Variants in NDC80 observed in about 807,000 individuals in gnomAD.
NDC80 encodes NDC80 kinetochore complex component, also known as kinetochore protein NDC80 homolog.
A neutral mutation model predicts 89.3 loss-of-function variants in NDC80; 69 were observed. That is an observed-to-expected ratio of 0.77 (90% CI 0.64 to 0.94). The LOEUF is 0.94. Ranked by LOEUF, NDC80 falls within the 40% of genes least tolerant of loss-of-function variation. The pLI is 0.00. For synonymous variants in NDC80, 243 were observed against 255.6 expected (o/e 0.95, Z 0.47); for missense variants, 593 against 739.6 (o/e 0.80, Z 2.30).
chr18:2,599,181 C>A lies in NDC80; in HGVS notation c.1374+10C>A. 6.3e-7 allele frequency: 1 copy of A among 1,592,722 alleles called. No homozygotes were observed. The highest frequency in any genetic ancestry group is 1.2e-5 in the South Asian group (1 of 86,858). On this transcript the variant is annotated intron_variant, in intron 12 of 16. Coordinates refer to ENST00000261597, the MANE Select transcript of NDC80 (RefSeq NM_006101.3). ...CAGGGCTCAAGTTTATGTAAGTAATCATGACTACTTTTAAGATTTTTTTAA... is the reference window on the plus strand; with the variant it reads ...CAGGGCTCAAGTTTATGTAAGTAATAATGACTACTTTTAAGATTTTTTTAA...
chr18:2,610,816 G>A lies in NDC80; in HGVS notation c.1746G>A (p.Leu582=). The change falls in exon 16 of 17, where the codon TTG becomes TTA. Residue 582 remains leucine (L), a synonymous_variant. Coordinates refer to ENST00000261597, the MANE Select transcript of NDC80 (RefSeq NM_006101.3). ...AAAGACGAAAAGTGGGAAATAACTT[G>A]CAACGTCTGTTAGAGATGGTTGCTA... is the stretch of plus-strand genomic sequence containing the variant. ...TEERRKVGNN[L]QRLLEMVATH... 1 of 1,591,592 alleles carries A rather than the reference G, an allele frequency of 6.3e-7. No homozygotes were observed. Among genetic ancestry groups the A allele is most frequent in the Non-Finnish European group, 8.6e-7 (1 of 1,164,268 alleles).
intron 11 of NDC80, among the ~76,000 whole-genome samples, chr18:2,596,928 A>T (rs1354660694): frequency 1.3e-5 from 2 of 152,138 alleles, no homozygotes; most frequent in Admixed American, 1.3e-4. Context: ...TTGCAAGGAC[A>T]AAAAACCAAA....
chr18:2,572,393 A>G (rs531228265), intron 1 of NDC80, among the ~76,000 whole-genome samples: 1 of 152,330 alleles, frequency 6.6e-6, no homozygotes, highest in East Asian at 1.9e-4. Flanking sequence ...GAGGCAGCCT[A>G]TAGACCATTT....
At chr18:2,607,044 T>C (rs1325150716) in intron 14 of NDC80, among the ~76,000 whole-genome samples, 1 of 152,196 alleles carries the variant, frequency 6.6e-6, no homozygotes, top group Non-Finnish European at 1.5e-5. Flanking sequence ...TCATTACCAC[T>C]TACACAATTC....
intron 13 of NDC80, among the ~76,000 whole-genome samples, 186 bp from the exon 14 acceptor site, chr18:2,606,229 T>G (rs2072710876): frequency 6.6e-6 from 1 of 151,932 alleles, no homozygotes; most frequent in Non-Finnish European, 1.5e-5. Context: ...ACTTTGAGGT[T>G]TCTTTGAAAT....
intron 12 of NDC80, among the ~76,000 whole-genome samples, chr18:2,600,634 G>A (rs570159829): frequency 3.0e-4 from 45 of 151,698 alleles, no homozygotes; most frequent in Non-Finnish European, 6.0e-4. Context: ...GAGAGAGATT[G>A]AAGAGGCCAT....
At chr18:2,603,057 G>A (rs1400012954) in intron 13 of NDC80, among the ~76,000 whole-genome samples, 6 of 152,112 alleles carry the variant, frequency 3.9e-5, no homozygotes, top group Non-Finnish European at 5.9e-5. Flanking sequence ...AAAACTTAAA[G>A]TAGGGTGTGG....
intron 11 of NDC80, among the ~76,000 whole-genome samples, chr18:2,596,134 G>A (rs1467679013): frequency 6.6e-6 from 1 of 152,194 alleles, no homozygotes; most frequent in African/African-American, 2.4e-5. Flanking sequence ...CAAATTTAGT[G>A]TACATGGTGT....
chr18:2,603,744 C>A (rs910555155), intron 13 of NDC80, among the ~76,000 whole-genome samples: 3 of 151,962 alleles, frequency 2.0e-5, no homozygotes, highest in African/African-American at 4.8e-5. Flanking sequence ...TGGATTGTAA[C>A]CTGAACAATA....
intron 6 of NDC80, among the ~76,000 whole-genome samples, chr18:2,581,861 A>T (rs1312614667): frequency 6.6e-6 from 1 of 151,680 alleles, no homozygotes; most frequent in East Asian, 1.9e-4. Flanking sequence ...TCTCTAAATT[A>T]TTTTTTCAGA....
chr18:2,580,803 A>G (rs2072573919), intron 6 of NDC80, among the ~76,000 whole-genome samples: 1 of 122,258 alleles, frequency 8.2e-6, no homozygotes, highest in Admixed American at 1.2e-4. Context: ...GTGCAGTGGC[A>G]CAATCTCGGC....
At chr18:2,580,172 C>T (rs564240347) in intron 6 of NDC80, among the ~76,000 whole-genome samples, 74 of 151,898 alleles carry the variant, frequency 4.9e-4, no homozygotes, top group African/African-American at 1.7e-3. Flanking sequence ...TTCTTATTTA[C>T]ATTTTTTGTT....
chr18:2,574,883 T>G, intron 2 of NDC80, 106 bp from the exon 3 acceptor site: 2 of 704,834 alleles, frequency 2.8e-6, no homozygotes, highest in Non-Finnish European at 4.8e-6. Context: ...TTTGAATTAT[T>G]TTTATAGCTA....
At chr18:2,589,821 C>G (rs1296928281) in intron 9 of NDC80, among the ~76,000 whole-genome samples, 197 bp from the exon 10 acceptor site, 1 of 128,310 alleles carries the variant, frequency 7.8e-6, no homozygotes, top group Non-Finnish European at 1.5e-5. Context: ...TCAACCCTAG[C>G]AATTGTGGTT....
At chr18:2,572,080 A>G (rs1008170235) in intron 1 of NDC80, among the ~76,000 whole-genome samples, 1 of 152,360 alleles carries the variant, frequency 6.6e-6, no homozygotes, top group East Asian at 1.9e-4. Context: ...CATGAGAGCT[A>G]CATTCTAAGT....
At chr18:2,609,749 G>A (rs2072732638) in intron 15 of NDC80, among the ~76,000 whole-genome samples, 1 of 152,294 alleles carries the variant, frequency 6.6e-6, no homozygotes, top group Admixed American at 6.5e-5. Flanking sequence ...TGCACCATCA[G>A]TACTGGATGC....
intron 13 of NDC80, 43 bp downstream of exon 13, chr18:2,601,528 A>AT: frequency 1.1e-6 from 1 of 903,972 alleles, no homozygotes; most frequent in Non-Finnish European, 1.6e-6. Flanking sequence ...TGAAAATTAG[A>AT]TTTTAAAACC....
chr18:2,583,141 A>G (rs1186404132), intron 6 of NDC80, among the ~76,000 whole-genome samples: 3 of 152,196 alleles, frequency 2.0e-5, no homozygotes, highest in Non-Finnish European at 2.9e-5. Context: ...ATTCAAATCT[A>G]TACTTTTTAT....
At chr18:2,605,322 G>C (rs970949120) in intron 13 of NDC80, among the ~76,000 whole-genome samples, 1 of 126,038 alleles carries the variant, frequency 7.9e-6, no homozygotes, top group South Asian at 2.8e-4. Flanking sequence ...GTGTGTGTGT[G>C]TGTGTGTATG....
Sources: gnomAD v4.1 joint callset for allele counts (sites outside exome capture counted in the v4.1 genomes callset) on GRCh38, gnomAD v4.1.1 for gene constraint, MANE v1.5 for transcripts, NCBI Gene and HGNC (gene_info 2026-07-23, HGNC 2026-07-21) for gene names.